The following CNTNAP2 variants were observed in gnomAD, a reference collection of about 807,000 sequenced individuals.
CNTNAP2 encodes contactin associated protein 2.
In CNTNAP2, 98 loss-of-function variants were observed where a neutral mutation model predicts 155.2. The ratio of observed to expected loss-of-function variants is 0.63; its 90% CI spans 0.54 to 0.75. CNTNAP2 has a LOEUF of 0.75. Among genes scored for constraint, CNTNAP2 ranks in the 30% least tolerant of loss-of-function variants. CNTNAP2 has a pLI of 0.00. For missense variants in CNTNAP2, 1,727 were observed against 1,688.1 expected, an observed-to-expected ratio of 1.02 and a Z score of -0.40; for synonymous variants, 651 against 631.2, an observed-to-expected ratio of 1.03 and a Z score of -0.47.
At chr7:147,647,633 T>C (rs1182799047) in intron 13 of CNTNAP2, among the ~76,000 whole-genome samples, 2 of 152,050 alleles carry the variant, frequency 1.3e-5, no homozygotes, top group African/African-American at 4.8e-5. Flanking sequence ...TAACACAAGG[T>C]CTTTGAGGAC....
rs117340734 is a variant in CNTNAP2, at chr7:148,079,715, C to A, written c.2384-38403C>A. On this transcript the variant is annotated intron_variant, in intron 15 of 23. Transcript: ENST00000361727. ...ATTTCTTTCAGGACCTGCTATCTGT[C>A]ATGTAATGCTATACTAGAGTCAGGC... 7.7e-4 allele frequency among the ~76,000 whole-genome samples: 117 copies of A among 152,240 alleles called. 3 individuals are homozygous for A. In the East Asian group the frequency reaches 0.022, roughly 29 times the overall value.
intron 13 of CNTNAP2, among the ~76,000 whole-genome samples, chr7:147,776,735 C>T (rs1797591249): frequency 6.6e-6 from 1 of 151,822 alleles, no homozygotes; most frequent in East Asian, 1.9e-4. Flanking sequence ...GTAGAACATA[C>T]TTATCCTTAA....
chr7:146,548,400 C>G (rs916252795), intron 1 of CNTNAP2, among the ~76,000 whole-genome samples: 2 of 151,966 alleles, frequency 1.3e-5, no homozygotes, highest in Non-Finnish European at 2.9e-5. Context: ...CAGGTCTTTG[C>G]TTTTGTGAAT....
At chr7:147,233,756 A>G (rs1252796387) in intron 8 of CNTNAP2, among the ~76,000 whole-genome samples, 1 of 150,662 alleles carries the variant, frequency 6.6e-6, no homozygotes, top group Non-Finnish European at 1.5e-5. Flanking sequence ...AAAGTCTTAT[A>G]TAAAAACATT....
At chr7:147,814,943 GA>G (rs1213921946) in intron 13 of CNTNAP2, among the ~76,000 whole-genome samples, 12 of 152,112 alleles carry the variant, frequency 7.9e-5, no homozygotes, top group Non-Finnish European at 1.8e-4. Context: ...ATGTAGCTGG[GA>G]AAATAATGAA....
intron 3 of CNTNAP2, among the ~76,000 whole-genome samples, chr7:146,870,809 A>G (rs543554087): frequency 6.6e-6 from 1 of 152,256 alleles, no homozygotes; most frequent in South Asian, 2.1e-4. Context: ...GCAATTAAAT[A>G]TTCTTCTTTT....
chr7:148,267,137 G>C lies in CNTNAP2; in HGVS notation c.3475+11G>C, dbSNP rs1299297243. ...TGGGAAAAGTTATAGGTAAGAATGT[G>C]GTTCGTTAGGTATAAATGCGTGCTA... is the stretch of plus-strand genomic sequence containing the variant. On this transcript the variant is annotated intron_variant, in intron 21 of 23. Transcript: ENST00000361727. The C allele has an allele frequency of 3.1e-6, 5 of 1,602,358 alleles. No homozygotes were observed. Among genetic ancestry groups the C allele is most frequent in the Non-Finnish European group, 4.3e-6 (5 of 1,169,514 alleles).
chr7:146,754,695 C>G (rs915473791), intron 1 of CNTNAP2, among the ~76,000 whole-genome samples: 3 of 151,662 alleles, frequency 2.0e-5, no homozygotes, highest in Middle Eastern at 3.4e-3. Context: ...TTTCAGAATT[C>G]TTGGGTAAAA....
At chr7:146,565,879 G>T (rs10268628) in intron 1 of CNTNAP2, among the ~76,000 whole-genome samples, 116,630 of 152,260 alleles carry the variant, frequency 0.77, 45,163 homozygotes, top group South Asian at 0.89. Context: ...TATATTTGCA[G>T]AGTAATCAAG....
chr7:146,452,861 A>G (rs1011485), intron 1 of CNTNAP2, among the ~76,000 whole-genome samples: 58,924 of 152,096 alleles, frequency 0.39, 13,391 homozygotes, highest in African/African-American at 0.63. Flanking sequence ...TAGAGAAAAG[A>G]GAATATGAAA....
chr7:147,963,780 A>C (rs575006285), intron 14 of CNTNAP2, among the ~76,000 whole-genome samples: 1 of 152,150 alleles, frequency 6.6e-6, no homozygotes, highest in African/African-American at 2.4e-5. Context: ...AGGGAAGTGC[A>C]CACATCTTAA....
At chr7:146,167,901 C>G (rs1798336263) in intron 1 of CNTNAP2, among the ~76,000 whole-genome samples, 1 of 152,146 alleles carries the variant, frequency 6.6e-6, no homozygotes, top group South Asian at 2.1e-4. Flanking sequence ...GACAGTGCAG[C>G]CTTCAGTCTG....
At chr7:147,332,876 A>C (rs1448117484) in intron 9 of CNTNAP2, among the ~76,000 whole-genome samples, 1 of 152,094 alleles carries the variant, frequency 6.6e-6, no homozygotes, top group African/African-American at 2.4e-5. Flanking sequence ...AATAATAATC[A>C]TCATAATTAT....
At chr7:148,117,600 A>G (rs536447370) in intron 15 of CNTNAP2, among the ~76,000 whole-genome samples, 2 of 152,252 alleles carry the variant, frequency 1.3e-5, no homozygotes, top group Admixed American at 6.5e-5. Context: ...CCTGAGGTTT[A>G]TCTCAGATGC....
intron 1 of CNTNAP2, among the ~76,000 whole-genome samples, chr7:146,531,631 C>T (rs771845486): frequency 5.3e-5 from 8 of 152,070 alleles, no homozygotes; most frequent in Non-Finnish European, 8.8e-5. Flanking sequence ...CTGCAACCTC[C>T]GCCTCCCAGG....
At chr7:147,681,258 T>C (rs1383379714) in intron 13 of CNTNAP2, among the ~76,000 whole-genome samples, 2 of 152,020 alleles carry the variant, frequency 1.3e-5, no homozygotes, top group Admixed American at 1.3e-4. Flanking sequence ...AAGCTTTTCT[T>C]AAATCTCTAA....
At chr7:148,014,617 C>T (rs1420190399) in intron 15 of CNTNAP2, among the ~76,000 whole-genome samples, 1 of 152,168 alleles carries the variant, frequency 6.6e-6, no homozygotes, top group Non-Finnish European at 1.5e-5. Flanking sequence ...GGTCACTTCC[C>T]ACAAATCCAC....
chr7:146,329,019 A>G (rs1801139741), intron 1 of CNTNAP2, among the ~76,000 whole-genome samples: 1 of 152,222 alleles, frequency 6.6e-6, no homozygotes, highest in African/African-American at 2.4e-5. Context: ...TCTTCAAGAC[A>G]CTGATTTTAT....
At chr7:146,943,136 G>A (rs1176398217) in intron 3 of CNTNAP2, among the ~76,000 whole-genome samples, 2 of 152,076 alleles carry the variant, frequency 1.3e-5, no homozygotes, top group Non-Finnish European at 2.9e-5. Context: ...TTGACCATAA[G>A]CCTTACTTGT....
Sources: allele counts gnomAD v4.1 joint callset (sites outside exome capture counted in the v4.1 genomes callset), GRCh38; gene constraint gnomAD v4.1.1; transcripts MANE v1.5; gene names NCBI Gene and HGNC (gene_info 2026-07-23, HGNC 2026-07-21).